Variants in MACROD2 observed in about 807,000 individuals in gnomAD.
The protein encoded by MACROD2 is ADP-ribose glycohydrolase MACROD2.
Under a neutral mutation model 70.4 loss-of-function variants are expected in MACROD2, and 36 were observed. That is an observed-to-expected ratio of 0.51 (90% confidence interval 0.39 to 0.68). MACROD2 has a LOEUF of 0.68. Among genes scored for constraint, MACROD2 ranks in the 30% least tolerant of loss-of-function variants. The pLI, the probability that MACROD2 is intolerant of heterozygous loss-of-function variation, is 0.00. For missense variants in MACROD2, 496 were observed against 538.4 expected (o/e 0.92, Z 0.78); for synonymous variants, 172 against 178.8 (o/e 0.96, Z 0.30).
intron 8 of MACROD2, among the ~76,000 whole-genome samples, chr20:15,710,755 G>T (rs921321402): frequency 2.0e-5 from 3 of 152,046 alleles, no homozygotes; most frequent in Non-Finnish European, 2.9e-5. Flanking sequence ...ACACATATTT[G>T]TCTGTCACTG....
At chr20:14,999,318 C>A (rs2074974768) in intron 5 of MACROD2, among the ~76,000 whole-genome samples, 1 of 152,154 alleles carries the variant, frequency 6.6e-6, no homozygotes, top group African/African-American at 2.4e-5. Context: ...CTGAACCTAT[C>A]AAAAGTAATA....
chr20:15,246,605 T>C (rs1036826118), intron 6 of MACROD2, among the ~76,000 whole-genome samples: 16 of 152,128 alleles, frequency 1.1e-4, no homozygotes, highest in Non-Finnish European at 2.2e-4. Context: ...AATTTGAAAC[T>C]CTTAACCACT....
intron 8 of MACROD2, among the ~76,000 whole-genome samples, chr20:15,640,137 T>G (rs2049436919): frequency 7.4e-6 from 1 of 135,950 alleles, no homozygotes; most frequent in Non-Finnish European, 1.6e-5. Flanking sequence ...GAGGGAGAAA[T>G]GATAAAAGAG....
At chr20:14,480,738 A>G in intron 3 of MACROD2, among the ~76,000 whole-genome samples, 1 of 152,172 alleles carries the variant, frequency 6.6e-6, no homozygotes, top group East Asian at 1.9e-4. Flanking sequence ...AGAGGATGCA[A>G]ATTATAATTT....
chr20:15,571,692 T>C (rs891184362), intron 8 of MACROD2, among the ~76,000 whole-genome samples: 10 of 152,056 alleles, frequency 6.6e-5, no homozygotes, highest in Non-Finnish European at 5.9e-5. Context: ...TGGAATAACA[T>C]TGGCCATATG....
rs562810559 is a variant in MACROD2 at position 14,863,437 on chromosome 20, G to A, written c.418+178478G>A. On this transcript the variant is annotated intron_variant, in intron 5 of 17. Transcript: ENST00000684519. ...CGATTCTTACAGGTGTTGTGAACAC[G>A]ACTATTTTATATCAAATGCTTCTAA... Among the ~76,000 whole-genome samples, 134 of 152,192 alleles carry A rather than the reference G, an allele frequency of 8.8e-4. 2 individuals are homozygous for A. The South Asian group carries it at 0.02, about 23-fold the overall frequency.
At chr20:15,171,526 G>T (rs765808896) in intron 5 of MACROD2, among the ~76,000 whole-genome samples, 3 of 151,566 alleles carry the variant, frequency 2.0e-5, no homozygotes, top group Non-Finnish European at 2.9e-5. Context: ...GCTCTTTGTA[G>T]TATTAGAATC....
At chr20:14,180,264 TG>T (rs1303972368) in intron 3 of MACROD2, among the ~76,000 whole-genome samples, 4 of 152,124 alleles carry the variant, frequency 2.6e-5, no homozygotes, top group African/African-American at 4.8e-5. Context: ...GAATTTCTAC[TG>T]CTTGGATGGA....
chr20:14,272,997 G>T (rs868697124), intron 3 of MACROD2, among the ~76,000 whole-genome samples: 2,316 of 151,542 alleles, frequency 0.015, 24 homozygotes, highest in African/African-American at 0.027. Context: ...CATAAAGCAA[G>T]TCCTGAGTGA....
intron 5 of MACROD2, among the ~76,000 whole-genome samples, chr20:14,854,640 A>G (rs1339146278): frequency 6.6e-6 from 1 of 152,210 alleles, no homozygotes; most frequent in Non-Finnish European, 1.5e-5. Flanking sequence ...TTGTCACTCA[A>G]AAGTAAACAT....
intron 3 of MACROD2, among the ~76,000 whole-genome samples, chr20:14,263,176 A>G (rs556757869): frequency 6.6e-6 from 1 of 152,316 alleles, no homozygotes; most frequent in Middle Eastern, 3.4e-3. Context: ...GGACATGGAT[A>G]GGCATATCAG....
intron 3 of MACROD2, among the ~76,000 whole-genome samples, chr20:14,430,007 C>A (rs947384304): frequency 7.9e-5 from 12 of 152,156 alleles, no homozygotes; most frequent in African/African-American, 2.9e-4. Context: ...CTGAATTAAA[C>A]CATCTACTTC....
chr20:15,969,566 T>C (rs2066198303), intron 13 of MACROD2, among the ~76,000 whole-genome samples: 1 of 152,196 alleles, frequency 6.6e-6, no homozygotes, highest in African/African-American at 2.4e-5. Context: ...TGAATGAATT[T>C]ATGACTGAAC....
intron 4 of MACROD2, among the ~76,000 whole-genome samples, chr20:14,657,123 A>C (rs1189941350): frequency 1.3e-5 from 2 of 152,212 alleles, no homozygotes; most frequent in African/African-American, 4.8e-5. Context: ...TCAATGCATT[A>C]GTATTATGAA....
chr20:14,088,492 A>G (rs1287315945), intron 3 of MACROD2, among the ~76,000 whole-genome samples: 2 of 148,768 alleles, frequency 1.3e-5, no homozygotes, highest in Non-Finnish European at 3.0e-5. Context: ...AAATACACTT[A>G]TCAGCCTTCC....
Position 14,326,936 on chromosome 20 carries a change from A to G in MACROD2, c.272-166543A>G. On this transcript the variant is annotated intron_variant, in intron 3 of 17. Coordinates refer to ENST00000684519, the MANE Select transcript of MACROD2 (RefSeq NM_001351661.2). The surrounding 1 kb of genome is among the most constrained non-coding windows in gnomAD (Gnocchi z 5.5). ...GTGAGACCTTGAAGAGATGGTGATG[A>G]AATAGTGGATATGCGATTATCATCC... 1 of 1,613,812 alleles carries G rather than the reference A, an allele frequency of 6.2e-7. No homozygotes were observed. Among genetic ancestry groups the G allele is most frequent in the Non-Finnish European group, 8.5e-7 (1 of 1,179,802 alleles).
chr20:15,560,791 A>AAAAAAAAAAAAAAT (rs2048233308), intron 8 of MACROD2, among the ~76,000 whole-genome samples: 1 of 144,760 alleles, frequency 6.9e-6, no homozygotes, highest in East Asian at 2.0e-4. Context: ...AAAAAAAAAA[A>AAAAAAAAAAAAAAT]GACTGATCAT....
At chr20:15,610,964 T>C (rs2048958920) in intron 8 of MACROD2, among the ~76,000 whole-genome samples, 1 of 151,948 alleles carries the variant, frequency 6.6e-6, no homozygotes, top group African/African-American at 2.4e-5. Context: ...TCTTGTGCTT[T>C]TCTTTTTATG....
intron 3 of MACROD2, among the ~76,000 whole-genome samples, chr20:14,290,998 T>C (rs1335284700): frequency 1.3e-5 from 2 of 152,258 alleles, no homozygotes; most frequent in Admixed American, 6.5e-5. Context: ...AGTTGATATA[T>C]TTGTTATTCC....
Sources: allele counts gnomAD v4.1 joint callset (sites outside exome capture counted in the v4.1 genomes callset), GRCh38; gene constraint gnomAD v4.1.1; non-coding constraint Gnocchi (gnomAD v3.1); transcripts MANE v1.5; gene names NCBI Gene and HGNC (gene_info 2026-07-23, HGNC 2026-07-21).